CLDN14: variants seen among roughly 807,000 people sequenced by gnomAD.
CLDN14 encodes claudin 14.
Under a neutral mutation model 2.1 loss-of-function variants are expected in CLDN14, and 2 were observed. The ratio of observed to expected loss-of-function variants is 0.96; its 90% CI spans 0.39 to 3.01. The LOEUF is 3.01. CLDN14 is among the 30% of genes most tolerant of loss of function. CLDN14 has a pLI of 0.09. For missense variants in CLDN14, 298 were observed against 328.0 expected (o/e 0.91, Z 0.71); for synonymous variants, 136 against 154.4 (o/e 0.88, Z 0.88).
intron 1 of CLDN14, among the ~76,000 whole-genome samples, chr21:36,471,680 T>TGAG (rs2086712810): frequency 6.6e-6 from 1 of 152,210 alleles, no homozygotes; most frequent in South Asian, 2.1e-4. Flanking sequence ...AGTCAGGACT[T>TGAG]ACAGCAAAAT....
intron 2 of CLDN14, among the ~76,000 whole-genome samples, chr21:36,507,191 A>G (rs2087141303): frequency 6.6e-6 from 1 of 152,072 alleles, no homozygotes; most frequent in African/African-American, 2.4e-5. Context: ...ACCTGACACA[A>G]GCGGCTGCAC....
chr21:36,543,312 G>A (rs1275967866), intron 1 of CLDN14, among the ~76,000 whole-genome samples: 1 of 152,210 alleles, frequency 6.6e-6, no homozygotes, highest in African/African-American at 2.4e-5. Context: ...AGGGTCTATA[G>A]CAGTGAACAA....
chr21:36,549,119 C>G (rs453539), intron 1 of CLDN14, among the ~76,000 whole-genome samples: 125,891 of 151,270 alleles, frequency 0.83, 52,851 homozygotes, highest in Middle Eastern at 0.9. Flanking sequence ...TGCTATGGGG[C>G]ATGACACAGA....
At chr21:36,553,467 AT>A (rs1388291032) in intron 1 of CLDN14, among the ~76,000 whole-genome samples, 1 of 151,936 alleles carries the variant, frequency 6.6e-6, no homozygotes, top group Non-Finnish European at 1.5e-5. Context: ...TGTCCCTTTG[AT>A]GCCTCCTTCT....
chr21:36,565,786 G>A (rs1475278045), intron 1 of CLDN14, among the ~76,000 whole-genome samples: 1 of 152,146 alleles, frequency 6.6e-6, no homozygotes, highest in Non-Finnish European at 1.5e-5. Context: ...TCTACAGCTG[G>A]TGCTATAAAA....
At chr21:36,495,532 A>T (rs945707184) in intron 2 of CLDN14, among the ~76,000 whole-genome samples, 3 of 152,230 alleles carry the variant, frequency 2.0e-5, no homozygotes, top group Non-Finnish European at 2.9e-5. Context: ...AGTCTCAGGA[A>T]ATCACACTGA....
intron 2 of CLDN14, among the ~76,000 whole-genome samples, chr21:36,502,465 G>C (rs1055151327): frequency 1.3e-5 from 2 of 152,168 alleles, no homozygotes; most frequent in Non-Finnish European, 2.9e-5. Context: ...CCATGAAAAG[G>C]ATATTCCGAG....
intron 1 of CLDN14, among the ~76,000 whole-genome samples, chr21:36,521,326 T>C (rs192263633): frequency 5.3e-5 from 8 of 152,148 alleles, no homozygotes; most frequent in Admixed American, 1.3e-4. Context: ...GGAGTGGCAA[T>C]GGACAGAGAG....
At chr21:36,571,586 G>A (rs565506144) in intron 1 of CLDN14, among the ~76,000 whole-genome samples, 1 of 152,346 alleles carries the variant, frequency 6.6e-6, no homozygotes, top group South Asian at 2.1e-4. Flanking sequence ...AGTTCTTAGA[G>A]TTGGAAGGTT....
intron 1 of CLDN14, among the ~76,000 whole-genome samples, chr21:36,534,827 C>T (rs528151243): frequency 2.3e-4 from 35 of 152,268 alleles, no homozygotes; most frequent in African/African-American, 8.4e-4. Flanking sequence ...TGTCCCCGCC[C>T]CTTATATTTA....
At chr21:36,491,748 T>G (rs2086967110) in intron 2 of CLDN14, among the ~76,000 whole-genome samples, 2 of 152,136 alleles carry the variant, frequency 1.3e-5, no homozygotes, top group Admixed American at 6.5e-5. Context: ...GGCCGGGGAC[T>G]ACTGAAGGTC....
rs900158540 is a variant in CLDN14 at position 36,460,674 on chromosome 21, A to G, written c.*302T>C. The G allele has an allele frequency of 7.8e-5, 26 of 334,274 alleles. No homozygotes were observed. Among genetic ancestry groups the G allele is most frequent in the Non-Finnish European group, 6.2e-5 (11 of 178,216 alleles). The allele number at this position is 334,274 out of a possible 1,614,324, so 20.7% of individuals were successfully genotyped here. On this transcript the variant is annotated 3_prime_UTR_variant, in exon 2 of 2. Coordinates refer to ENST00000399135, the MANE Select transcript of CLDN14 (RefSeq NM_001146079.2). The surrounding 1 kb of genome is among the most constrained non-coding windows in gnomAD (Gnocchi z 4.0). ...TATTCCTGGATCACAAACCAACCCC[A>G]CTGACCAAACTCCCAAGTCACTTTA...
chr21:36,561,194 C>T (rs756186626), intron 1 of CLDN14, among the ~76,000 whole-genome samples: 1 of 152,112 alleles, frequency 6.6e-6, no homozygotes, highest in Admixed American at 6.5e-5. Flanking sequence ...CTAGACCTAT[C>T]GGTTAAGCAG....
chr21:36,530,376 ACT>A (rs2146500794), intron 1 of CLDN14, among the ~76,000 whole-genome samples: 1 of 152,228 alleles, frequency 6.6e-6, no homozygotes, highest in South Asian at 2.1e-4. Flanking sequence ...GTCTGCAGTG[ACT>A]CTGCCTTCTC....
At position 36,499,186 on chromosome 21, in the gene CLDN14, G is replaced by A. The variant is rs941935966; in HGVS notation, c.-82+11177C>T. Among the ~76,000 whole-genome samples the A allele has an allele frequency of 1.1e-4, 16 of 152,322 alleles. No individual in the cohort carries two copies. Among genetic ancestry groups the A allele is most frequent in the Admixed American group, 2.6e-4 (4 of 15,302 alleles). On this transcript the variant is annotated intron_variant, in intron 2 of 2. Transcript: ENST00000342108. This position sits in a 1 kb window ranked among gnomAD's most constrained non-coding sequence, Gnocchi z 4.7. ...CGGTTTTGTGGGGGCAATGAACCCC[G>A]CAACTGCGGGAAACTGACCTTCAGC...
intron 1 of CLDN14, among the ~76,000 whole-genome samples, chr21:36,473,541 A>G (rs2086736331): frequency 6.6e-6 from 1 of 152,192 alleles, no homozygotes; most frequent in African/African-American, 2.4e-5. Context: ...GAAGAGAGGA[A>G]TTTTCTTTTG....
intron 1 of CLDN14, among the ~76,000 whole-genome samples, chr21:36,563,158 C>T (rs1381197152): frequency 6.6e-6 from 1 of 152,148 alleles, no homozygotes; most frequent in Non-Finnish European, 1.5e-5. Flanking sequence ...TTCTCTGCTG[C>T]TTAGAGAACA....
At position 36,461,873 on chromosome 21, in the gene CLDN14, T is replaced by C. The variant is rs2086582763; in HGVS notation, c.-81-97A>G. On this transcript the variant is annotated intron_variant, in intron 1 of 1. Transcript: ENST00000399135. ...TCTGTCACCGAAACCAAGTTTTTCA[T>C]AGGTGGTTGGTGTGGCAATTAGCAT... The C allele has an allele frequency of 1.1e-5, 9 of 825,792 alleles. No individual in the cohort carries two copies. The South Asian group carries it at 1.3e-4, about 12-fold the overall frequency. The allele number at this position is 825,792 out of a possible 1,614,324, so 51.2% of individuals were successfully genotyped here.
At position 36,554,643 on chromosome 21, in the gene CLDN14, T is replaced by C. The variant is rs116084867; in HGVS notation, c.-220+21768A>G. Among the ~76,000 whole-genome samples, 577 of 152,254 alleles carry C rather than the reference T, an allele frequency of 3.8e-3. 6 individuals carry two copies. Among genetic ancestry groups the C allele is most frequent in the African/African-American group, 0.013 (555 of 41,540 alleles). ...GCCCAGAGTCACACAGCTAGGATTC[T>C]GAGGTCAGAGTCGGCATTCTGATTT... is the stretch of plus-strand genomic sequence containing the variant. On this transcript the variant is annotated intron_variant, in intron 1 of 2. Transcript: ENST00000342108.
Sources: allele counts gnomAD v4.1 joint callset (sites outside exome capture counted in the v4.1 genomes callset), GRCh38; gene constraint gnomAD v4.1.1; non-coding constraint Gnocchi (gnomAD v3.1); transcripts MANE v1.5; gene names NCBI Gene and HGNC (gene_info 2026-07-23, HGNC 2026-07-21).